Variants in PRIM2 observed in about 807,000 individuals in gnomAD.
PRIM2 encodes DNA primase subunit 2.
In PRIM2, 39 loss-of-function variants were observed where a neutral mutation model predicts 67.3. The ratio of observed to expected loss-of-function variants is 0.58; its 90% CI spans 0.45 to 0.76. The LOEUF (loss-of-function observed/expected upper bound fraction) is 0.76. PRIM2 is among the 30% of genes least tolerant of loss of function. The pLI, the probability that PRIM2 is intolerant of heterozygous loss-of-function variation, is 0.00. For synonymous variants in PRIM2, 143 were observed against 198.7 expected (o/e 0.72, Z 2.36); for missense variants, 398 against 598.7 (o/e 0.66, Z 3.50).
intron 7 of PRIM2, among the ~76,000 whole-genome samples, chr6:57,455,516 A>G (rs1284612290): frequency 4.6e-5 from 7 of 152,144 alleles, no homozygotes; most frequent in Admixed American, 6.5e-5. Context: ...CTTCTTGTTG[A>G]ATTGATCCCT....
chr6:57,343,339 A>G (rs1768557532), intron 5 of PRIM2, among the ~76,000 whole-genome samples: 1 of 152,206 alleles, frequency 6.6e-6, no homozygotes, highest in African/African-American at 2.4e-5. Context: ...CATCCCATGC[A>G]TTGATATACA....
At chr6:57,240,972 C>G in the PRIM2 span, among the ~76,000 whole-genome samples, 1 of 151,912 alleles carries the variant, frequency 6.6e-6, no homozygotes, top group Non-Finnish European at 1.5e-5. Context: ...AGCCTGTAAT[C>G]CCAGCACTCT....
chr6:57,337,507 T>C (rs1204819767), intron 5 of PRIM2, among the ~76,000 whole-genome samples: 1 of 151,622 alleles, frequency 6.6e-6, no homozygotes, highest in Non-Finnish European at 1.5e-5. Context: ...TATAACAAAC[T>C]ATCTCTCAGA....
chr6:57,292,843 G>A, the PRIM2 span, among the ~76,000 whole-genome samples: 30,666 of 152,016 alleles, frequency 0.2, 3,541 homozygotes, highest in African/African-American at 0.31. Context: ...TTAACTCACA[G>A]TGGATTAAAG....
intron 10 of PRIM2, among the ~76,000 whole-genome samples, chr6:57,569,403 C>T (rs1775819277): frequency 2.0e-5 from 3 of 152,174 alleles, no homozygotes; most frequent in Admixed American, 2.0e-4. Flanking sequence ...CAGTAACTGG[C>T]ATTTGTGAAG....
chr6:57,512,831 A>G (rs1407562013), intron 8 of PRIM2, among the ~76,000 whole-genome samples: 2 of 152,132 alleles, frequency 1.3e-5, no homozygotes, highest in African/African-American at 2.4e-5. Context: ...TCCAGACCTC[A>G]GGTGTTCTGC....
intron 13 of PRIM2, among the ~76,000 whole-genome samples, chr6:57,643,846 C>T (rs1452129611): frequency 6.6e-6 from 1 of 152,164 alleles, no homozygotes; most frequent in Non-Finnish European, 1.5e-5. Context: ...CTGTTACACA[C>T]TGGAATTACT....
At chr6:57,228,580 C>G in the PRIM2 span, among the ~76,000 whole-genome samples, 1 of 152,098 alleles carries the variant, frequency 6.6e-6, no homozygotes, top group Non-Finnish European at 1.5e-5. Flanking sequence ...GAGACATGTG[C>G]GATAATGAGG....
chr6:57,267,438 G>C, the PRIM2 span, among the ~76,000 whole-genome samples: 1 of 152,094 alleles, frequency 6.6e-6, no homozygotes, highest in African/African-American at 2.4e-5. Context: ...CTCAATCCCA[G>C]TGGCATCTCT....
chr6:57,524,575 C>T (rs1774703142), intron 8 of PRIM2, among the ~76,000 whole-genome samples: 1 of 152,034 alleles, frequency 6.6e-6, no homozygotes, highest in African/African-American at 2.4e-5. Flanking sequence ...GTGGCACGTG[C>T]ATGTAATCCC....
chr6:57,405,282 C>T (rs541477588), intron 7 of PRIM2, among the ~76,000 whole-genome samples: 2 of 152,268 alleles, frequency 1.3e-5, no homozygotes, highest in African/African-American at 2.4e-5. Context: ...AGAAATTTTG[C>T]ACAGGGGAGC....
the PRIM2 span, among the ~76,000 whole-genome samples, chr6:57,283,939 G>A: frequency 2.0e-5 from 3 of 151,988 alleles, no homozygotes; most frequent in African/African-American, 7.2e-5. Flanking sequence ...TAAGTAGGGT[G>A]ATTATTTAAT....
At chr6:57,231,701 G>T in the PRIM2 span, among the ~76,000 whole-genome samples, 27 of 152,300 alleles carry the variant, frequency 1.8e-4, no homozygotes, top group Admixed American at 1.5e-3. Context: ...CAAATATTTT[G>T]TTGGAACGTA....
intron 10 of PRIM2, among the ~76,000 whole-genome samples, chr6:57,585,760 G>A (rs1320891083): frequency 0.011 from 1,681 of 152,290 alleles, 27 homozygotes; most frequent in African/African-American, 0.038. Flanking sequence ...GTTGAGAAGA[G>A]GATTCCGAGG....
At chr6:57,326,192 T>A in intron 5 of PRIM2, 147 bp downstream of exon 5, 5 of 789,282 alleles carry the variant, frequency 6.3e-6, no homozygotes, top group Non-Finnish European at 9.5e-6. Flanking sequence ...TGGATAACAA[T>A]ATATCTTTCC....
intron 5 of PRIM2, among the ~76,000 whole-genome samples, chr6:57,360,281 T>C (rs72870491): frequency 1.3e-5 from 2 of 152,202 alleles, no homozygotes; most frequent in Non-Finnish European, 2.9e-5. Context: ...TAAGTTACTA[T>C]AGACACCACA....
intron 5 of PRIM2, among the ~76,000 whole-genome samples, chr6:57,358,938 A>G (rs1189846998): frequency 2.0e-5 from 3 of 152,352 alleles, no homozygotes; most frequent in African/African-American, 7.2e-5. Context: ...TTAAAAAATT[A>G]TGGTTAAATA....
At chr6:57,391,022 TC>T (rs1770326072) in intron 7 of PRIM2, among the ~76,000 whole-genome samples, 5 of 152,088 alleles carry the variant, frequency 3.3e-5, no homozygotes, top group African/African-American at 1.2e-4. Flanking sequence ...AAGTGTTCCC[TC>T]CTCTTCGCAA....
At chr6:57,481,787 T>C (rs1773635407) in intron 7 of PRIM2, among the ~76,000 whole-genome samples, 1 of 152,228 alleles carries the variant, frequency 6.6e-6, no homozygotes, top group Admixed American at 6.5e-5. Flanking sequence ...ATTTTTGCTC[T>C]TCTGATAGGT....
Sources: allele counts gnomAD v4.1 joint callset (sites outside exome capture counted in the v4.1 genomes callset), GRCh38; gene constraint gnomAD v4.1.1; transcripts MANE v1.5; gene names NCBI Gene and HGNC (gene_info 2026-07-23, HGNC 2026-07-21).